Variants in MYPN observed in about 807,000 individuals in gnomAD.
The protein encoded by MYPN is sarcomeric protein myopalladin, 145 kDa (MYOP).
MYPN carries 63 observed loss-of-function variants against 129.4 expected under a neutral mutation model. The observed-to-expected ratio is 0.49, with a 90% confidence interval of 0.40 to 0.60. The LOEUF (loss-of-function observed/expected upper bound fraction) is 0.60. Among genes scored for constraint, MYPN ranks in the 20% least tolerant of loss-of-function variants. The probability of loss-of-function intolerance (pLI) is 0.00; values close to 1 mark genes in which losing one functional copy is unlikely to be tolerated. For synonymous variants in MYPN, 629 were observed against 600.9 expected, an observed-to-expected ratio of 1.05 and a Z score of -0.68; for missense variants, 1,596 against 1,635.4, an observed-to-expected ratio of 0.98 and a Z score of 0.42.
chr10:68,202,770 C>T (rs1424259842), intron 18 of MYPN, among the ~76,000 whole-genome samples: 1 of 151,206 alleles, frequency 6.6e-6, no homozygotes, highest in Non-Finnish European at 1.5e-5. Context: ...AGAATTATTT[C>T]ACCACAGTAA....
At position 68,166,536 on chromosome 10, in the gene MYPN, G is replaced by C; in HGVS notation, c.1843G>C (p.Ala615Pro). The part of the protein sequence containing the change: ...DDKGSEASSE[A>P]GVVTTRQTRP... ...CAAAGGAAGTGAAGCATCCTCCGAG[G>C]CTGGTGTGGTGACCACCAGACAGAC... Residue 615 changes from alanine (A) to proline (P), a missense_variant, in exon 10 of 20, where the codon GCT becomes CCT. Coordinates refer to ENST00000358913, the MANE Select transcript of MYPN (RefSeq NM_032578.4). The C allele has an allele frequency of 6.2e-7, 1 of 1,614,144 alleles. No individual in the cohort carries two copies. The highest frequency in any genetic ancestry group is 1.3e-5 in the African/African-American group (1 of 75,020).
Position 68,154,613 on chromosome 10 carries a change from T to C in MYPN, c.1318-3873T>C, listed in dbSNP as rs530647500. Reference sequence around the variant, plus strand: ...AGTTCTTTATCAGTAAAAACCACTTTGATCCAACTCCATCCTAAAGCACTG... The same window carrying C: ...AGTTCTTTATCAGTAAAAACCACTTCGATCCAACTCCATCCTAAAGCACTG... On this transcript the variant is annotated intron_variant, in intron 6 of 19. Coordinates refer to ENST00000358913, the MANE Select transcript of MYPN (RefSeq NM_032578.4). 3.3e-5 allele frequency among the ~76,000 whole-genome samples: 5 copies of C among 152,342 alleles called. 1 individual carries two copies. Among genetic ancestry groups the C allele is most frequent in the Admixed American group, 3.3e-4 (5 of 15,298 alleles).
rs2041960211 is a variant in MYPN at position 68,097,055 on chromosome 10, C to T, written c.-2+9063C>T. ...GTCAGATCAAATTATAATTTAAATCCTTTAGCTATGTTTAGCTCCTTGGCA... is the reference window on the plus strand; with the variant it reads ...GTCAGATCAAATTATAATTTAAATCTTTTAGCTATGTTTAGCTCCTTGGCA... On this transcript the variant is annotated intron_variant, in intron 1 of 6. Coordinates refer to the MYPN transcript ENST00000685154. Among the ~76,000 whole-genome samples, 4 of 152,242 alleles carry T rather than the reference C, an allele frequency of 2.6e-5. No individual in the cohort carries two copies. The South Asian group carries it at 8.3e-4, about 32-fold the overall frequency.
upstream of MYPN, among the ~76,000 whole-genome samples, chr10:68,103,209 T>C (rs1418002937): frequency 2.0e-5 from 3 of 152,240 alleles, no homozygotes; most frequent in Admixed American, 6.5e-5. Flanking sequence ...GATAAGGATA[T>C]AAGATACAAA....
chr10:68,101,577 T>C (rs184953771), upstream of MYPN, among the ~76,000 whole-genome samples: 543 of 152,326 alleles, frequency 3.6e-3, 2 homozygotes, highest in African/African-American at 0.012. Flanking sequence ...TCATAGTTGC[T>C]TAATATAAGC....
chr10:68,094,930 C>G (rs552378652), intron 1 of MYPN, among the ~76,000 whole-genome samples: 1 of 151,946 alleles, frequency 6.6e-6, no homozygotes, highest in Non-Finnish European at 1.5e-5. Flanking sequence ...GGCATGGTGG[C>G]GGGTGCTGTA....
intron 16 of MYPN, among the ~76,000 whole-genome samples, chr10:68,199,005 G>GA (rs1311412314): frequency 1.3e-5 from 2 of 149,606 alleles, no homozygotes; most frequent in East Asian, 3.9e-4. Context: ...TTTTTTTTTA[G>GA]AAAAAAAATC....
intron 2 of MYPN, among the ~76,000 whole-genome samples, chr10:68,127,846 A>G (rs1162723522): frequency 6.6e-6 from 1 of 152,216 alleles, no homozygotes; most frequent in Non-Finnish European, 1.5e-5. Flanking sequence ...CTAAATAGGA[A>G]CACCACAGTC....
chr10:68,159,296 A>G lies in MYPN; in HGVS notation c.1459+669A>G, dbSNP rs567267430. On this transcript the variant is annotated intron_variant, in intron 7 of 19. Transcript: ENST00000358913. ...AACTGGGACACACGTCGCCCTAGCTATATCCTACTACAACCAACAATACGT... is the reference window on the plus strand; with the variant it reads ...AACTGGGACACACGTCGCCCTAGCTGTATCCTACTACAACCAACAATACGT... Among the ~76,000 whole-genome samples the G allele has an allele frequency of 2.5e-3, 385 of 152,288 alleles. 3 individuals are homozygous for G. Among genetic ancestry groups the G allele is most frequent in the African/African-American group, 9.0e-3 (374 of 41,572 alleles).
intron 1 of MYPN, among the ~76,000 whole-genome samples, chr10:68,113,356 T>C (rs934102065): frequency 6.6e-6 from 1 of 152,214 alleles, no homozygotes; most frequent in Non-Finnish European, 1.5e-5. Context: ...CTTTGGTTTT[T>C]TCATGAATGT....
In MYPN at chr10:68,121,882, A is replaced by C; in HGVS notation, c.444A>C (p.Lys148Asn). 6.2e-7 allele frequency: 1 copy of C among 1,614,224 alleles called. No individual in the cohort carries two copies. The highest frequency in any genetic ancestry group is 8.5e-7 in the Non-Finnish European group (1 of 1,180,034). The change falls in exon 2 of 20, where the codon AAA becomes AAC. Residue 148 changes from lysine to asparagine, a missense_variant. Transcript: ENST00000358913. ...PQYCSETQSKKVFLNKAADFI... is the reference protein window; with the variant it reads ...PQYCSETQSKNVFLNKAADFI... ...ATTGTTCTGAAACCCAGTCCAAAAA[A>C]GTATTTTTAAATAAGGCTGCCGACT...
rs113674647 is a variant in MYPN at position 68,199,586 on chromosome 10, C to T, written c.3493+11C>T. On this transcript the variant is annotated intron_variant, in intron 17 of 19. Transcript: ENST00000358913. ...AGCTCTCTGTAGTAGGTAAGGTTTG[C>T]TGCTGGGACCCCTAAACACAACTTC... 8.5e-4 allele frequency: 1,351 copies of T among 1,582,112 alleles called. 9 individuals are homozygous for T. The African/African-American group carries it at 0.016, about 19-fold the overall frequency.
In MYPN at chr10:68,109,537, A is replaced by G. The variant is rs2042052745; in HGVS notation, c.-188A>G. On this transcript the variant is annotated 5_prime_UTR_variant, in exon 1 of 20. Transcript: ENST00000358913. ...GTGGTGACAGGTTGTCCAGCTTCTTACAGCCATCTTCACTGAAACTAAGGT... is the reference window on the plus strand; with the variant it reads ...GTGGTGACAGGTTGTCCAGCTTCTTGCAGCCATCTTCACTGAAACTAAGGT... 2.2e-6 allele frequency: 1 copy of G among 453,988 alleles called. No individual in the cohort carries two copies. Among genetic ancestry groups the G allele is most frequent in the South Asian group, 1.6e-5 (1 of 64,488 alleles). The allele number at this position is 453,988 out of a possible 1,614,324, so 28.1% of individuals were successfully genotyped here.
rs188950936 is a variant in MYPN at position 68,114,600 on chromosome 10, C to T, written c.-2+4877C>T. On this transcript the variant is annotated intron_variant, in intron 1 of 19. Coordinates refer to ENST00000358913, the MANE Select transcript of MYPN (RefSeq NM_032578.4). Reference sequence around the variant, plus strand: ...CTGACCTCAAGTGATCTGCCTGGCTCGGCCTCCCAAAGTGCAGGGATTACA... The same window carrying T: ...CTGACCTCAAGTGATCTGCCTGGCTTGGCCTCCCAAAGTGCAGGGATTACA... Among the ~76,000 whole-genome samples, 362 of 152,218 alleles carry T rather than the reference C, an allele frequency of 2.4e-3. 1 individual carries two copies. The highest frequency in any genetic ancestry group is 4.4e-3 in the Non-Finnish European group (299 of 68,010).
intron 8 of MYPN, 105 bp downstream of exon 8, chr10:68,161,857 T>A: frequency 1.0e-6 from 1 of 990,386 alleles, no homozygotes; most frequent in East Asian, 2.6e-5. Flanking sequence ...AAAAATAAAG[T>A]TTTAGGAAAA....
chr10:68,199,672 A>G (rs2043677449), intron 17 of MYPN, 97 bp downstream of exon 17: 13 of 1,219,212 alleles, frequency 1.1e-5, no homozygotes, highest in Middle Eastern at 1.9e-4. Flanking sequence ...CCTTTGCCCT[A>G]CTAACTCCAA....
chr10:68,108,988 T>C (rs1166550563), upstream of MYPN, among the ~76,000 whole-genome samples: 2 of 152,208 alleles, frequency 1.3e-5, no homozygotes, highest in Admixed American at 6.6e-5. Context: ...CCCAAAGTGC[T>C]GGGATTACAG....
At chr10:68,141,425 G>T (rs998379363) in intron 2 of MYPN, among the ~76,000 whole-genome samples, 4 of 151,702 alleles carry the variant, frequency 2.6e-5, no homozygotes, top group African/African-American at 4.8e-5. Context: ...AGGGATTATA[G>T]CACTGAGTGG....
chr10:68,174,353 T>C lies in MYPN; in HGVS notation c.2261T>C (p.Ile754Thr), dbSNP rs1313722910. 1 of 1,614,114 alleles carries C rather than the reference T, an allele frequency of 6.2e-7. No individual in the cohort carries two copies. Among genetic ancestry groups the C allele is most frequent in the Non-Finnish European group, 8.5e-7 (1 of 1,179,998 alleles). The change falls in exon 11 of 20, where the codon ATT (isoleucine) becomes ACT (threonine). Residue 754 changes from isoleucine to threonine, a missense_variant. Ile to Thr is a moderately conservative substitution (Grantham distance 89). Coordinates refer to ENST00000358913, the MANE Select transcript of MYPN (RefSeq NM_032578.4). ...VFTLSSTPQTIQRTVSKESLL... is the reference protein window; with the variant it reads ...VFTLSSTPQTTQRTVSKESLL... ...ACTTTGAGCAGCACTCCTCAAACTA[T>C]TCAGAGGACAGTGAGCAAAGAAAGC...
Sources: gnomAD v4.1 joint callset for allele counts (sites outside exome capture counted in the v4.1 genomes callset) on GRCh38, gnomAD v4.1.1 for gene constraint, MANE v1.5 for transcripts, NCBI Gene and HGNC (gene_info 2026-07-23, HGNC 2026-07-21) for gene names.